Variants in CEP85L observed in about 807,000 individuals in gnomAD.
CEP85L encodes centrosomal protein of 85 kDa-like.
CEP85L carries 60 observed loss-of-function variants against 100.3 expected under a neutral mutation model. That is an observed-to-expected ratio of 0.60 (90% CI 0.49 to 0.74). The LOEUF (loss-of-function observed/expected upper bound fraction) is 0.74. Among genes scored for constraint, CEP85L ranks in the 30% least tolerant of loss-of-function variants. CEP85L has a pLI of 0.00. For missense variants in CEP85L, 973 were observed against 936.2 expected (o/e 1.04, Z -0.51); for synonymous variants, 319 against 322.7 (o/e 0.99, Z 0.12).
intron 1 of CEP85L, among the ~76,000 whole-genome samples, chr6:118,687,306 A>G (rs1206302984): frequency 6.6e-6 from 1 of 151,976 alleles, no homozygotes. Context: ...GCTCACTGCA[A>G]CCTCCGCCTC....
At chr6:118,598,656 C>A (rs939954222) in intron 2 of CEP85L, among the ~76,000 whole-genome samples, 1 of 152,140 alleles carries the variant, frequency 6.6e-6, no homozygotes, top group African/African-American at 2.4e-5. Flanking sequence ...AGAATTCTTC[C>A]CTAGACCCTT....
At chr6:118,620,576 G>T (rs1773370812) in intron 2 of CEP85L, among the ~76,000 whole-genome samples, 1 of 152,300 alleles carries the variant, frequency 6.6e-6, no homozygotes, top group Non-Finnish European at 1.5e-5. Context: ...GATGATGAAG[G>T]CTCTCTGGGC....
At chr6:118,556,006 A>G (rs183837503) in intron 3 of CEP85L, among the ~76,000 whole-genome samples, 348 of 152,238 alleles carry the variant, frequency 2.3e-3, no homozygotes, top group African/African-American at 8.1e-3. Flanking sequence ...GCTGCATAGT[A>G]TTGCATGGTG....
At chr6:118,634,055 G>A (rs1289072509) in intron 1 of CEP85L, among the ~76,000 whole-genome samples, 2 of 152,212 alleles carry the variant, frequency 1.3e-5, no homozygotes, top group African/African-American at 4.8e-5. Context: ...CCCCATCTGT[G>A]TTTTGCGGTT....
intron 3 of CEP85L, chr6:118,558,898 C>A (rs1199811930): frequency 6.2e-7 from 1 of 1,608,732 alleles, no homozygotes; most frequent in South Asian, 1.1e-5. Context: ...CTTAAAACTT[C>A]AGACTTCCTG....
intron 2 of CEP85L, among the ~76,000 whole-genome samples, chr6:118,588,125 A>G (rs190391652): frequency 1.3e-5 from 2 of 152,338 alleles, no homozygotes; most frequent in Admixed American, 1.3e-4. Context: ...TAGAAACTGC[A>G]CTATTCTGAA....
chr6:118,527,020 T>TTC (rs1777012137), intron 3 of CEP85L, among the ~76,000 whole-genome samples: 1 of 147,016 alleles, frequency 6.8e-6, no homozygotes, highest in Admixed American at 6.7e-5. Flanking sequence ...TTTTTTTTTT[T>TTC]TTTTTTTTAA....
intron 1 of CEP85L, among the ~76,000 whole-genome samples, chr6:118,646,428 G>A (rs949752814): frequency 7.9e-5 from 12 of 151,938 alleles, no homozygotes; most frequent in Admixed American, 1.3e-4. Flanking sequence ...CAGCACTCTC[G>A]GAGGCCAAGG....
At chr6:118,692,556 T>C (rs1777079246) in intron 1 of CEP85L, among the ~76,000 whole-genome samples, 1 of 152,174 alleles carries the variant, frequency 6.6e-6, no homozygotes, top group Admixed American at 6.5e-5. Context: ...CTGGGTTTTA[T>C]TTAATTAAGG....
At chr6:118,669,918 A>G (rs751909950) in intron 1 of CEP85L, among the ~76,000 whole-genome samples, 2 of 150,118 alleles carry the variant, frequency 1.3e-5, no homozygotes, top group Non-Finnish European at 3.0e-5. Flanking sequence ...GGCCCCAGAT[A>G]ACTCATGTGT....
At chr6:118,600,316 T>TGCGTGC (rs1781698550) in intron 2 of CEP85L, among the ~76,000 whole-genome samples, 1 of 90,696 alleles carries the variant, frequency 1.1e-5, no homozygotes, top group African/African-American at 4.1e-5. Flanking sequence ...TGTGTGTGTG[T>TGCGTGC]GTGTGTGTGT....
Position 118,532,093 on chromosome 6 carries a change from C to G in CEP85L, c.1021-8173G>C, listed in dbSNP as rs148699641. ...ATTCACAATAGCAAAGATATGGAAT[C>G]AACCTAAATGCCCATCAACAGTAGA... On this transcript the variant is annotated intron_variant, in intron 3 of 12. Coordinates refer to ENST00000368491, the MANE Select transcript of CEP85L (RefSeq NM_001042475.3). 2.6e-5 allele frequency among the ~76,000 whole-genome samples: 4 copies of G among 152,198 alleles called. No homozygotes were observed. In the East Asian group the frequency reaches 7.7e-4, roughly 29 times the overall value.
intron 2 of CEP85L, among the ~76,000 whole-genome samples, chr6:118,619,670 C>CT (rs1263860611): frequency 1.3e-5 from 2 of 152,178 alleles, no homozygotes; most frequent in Non-Finnish European, 2.9e-5. Flanking sequence ...GTGCATGTCT[C>CT]TTTCTCACTC....
intron 1 of CEP85L, among the ~76,000 whole-genome samples, chr6:118,698,704 T>A (rs1777294841): frequency 6.6e-6 from 1 of 152,192 alleles, no homozygotes; most frequent in South Asian, 2.1e-4. Context: ...CTAAGACTGA[T>A]CCATCTTTTG....
intron 6 of CEP85L, among the ~76,000 whole-genome samples, chr6:118,484,467 C>T (rs557304560): frequency 6.6e-6 from 1 of 152,174 alleles, no homozygotes; most frequent in Non-Finnish European, 1.5e-5. Context: ...TTATTGCCTG[C>T]ACATGTGCAA....
Position 118,491,849 on chromosome 6 carries a change from G to C in CEP85L, c.1274C>G (p.Thr425Ser), listed in dbSNP as rs771443748. 3.3e-5 allele frequency: 53 copies of C among 1,606,446 alleles called. No homozygotes were observed. Among genetic ancestry groups the C allele is most frequent in the Non-Finnish European group, 4.5e-5 (53 of 1,177,566 alleles). The change falls in exon 6 of 13, where the codon ACT becomes AGT. Residue 425 changes from threonine to serine, a missense_variant. Transcript: ENST00000368491. Reference protein sequence around the residue: ...VASLQPQYENTSLQTPFSEES... With the variant: ...VASLQPQYENSSLQTPFSEES... The stretch of plus-strand genomic sequence containing the variant: ...CTCTGAAAATGGTGTCTGGAGTGAA[G>C]TGTTCTCATATTGTGGCTGTTAGGA...
chr6:118,580,171 CCTCT>C (rs1264385417), intron 2 of CEP85L, among the ~76,000 whole-genome samples: 5 of 152,208 alleles, frequency 3.3e-5, no homozygotes, highest in South Asian at 2.1e-4. Context: ...GAGCCCCCTC[CCTCT>C]GTCTCTGTAT....
At chr6:118,595,569 T>C (rs1781420685) in intron 2 of CEP85L, among the ~76,000 whole-genome samples, 1 of 152,166 alleles carries the variant, frequency 6.6e-6, no homozygotes, top group Non-Finnish European at 1.5e-5. Flanking sequence ...AGTGAATAAA[T>C]GAATGAACCT....
At chr6:118,487,297 C>A (rs1048001124) in intron 6 of CEP85L, among the ~76,000 whole-genome samples, 1 of 152,134 alleles carries the variant, frequency 6.6e-6, no homozygotes, top group Non-Finnish European at 1.5e-5. Flanking sequence ...GGAAGATTGG[C>A]AGAACCTATG....
Sources: allele counts gnomAD v4.1 joint callset (sites outside exome capture counted in the v4.1 genomes callset), GRCh38; gene constraint gnomAD v4.1.1; transcripts MANE v1.5; gene names NCBI Gene and HGNC (gene_info 2026-07-23, HGNC 2026-07-21).